Variants in UBE2D3 observed in about 807,000 individuals in gnomAD.
UBE2D3 encodes the protein ubiquitin conjugating enzyme E2 D3.
In UBE2D3, 2 loss-of-function variants were observed where a neutral mutation model predicts 22.8. That is an observed-to-expected ratio of 0.09 (90% confidence interval 0.04 to 0.28). UBE2D3 has a LOEUF of 0.28. Among genes scored for constraint, UBE2D3 ranks in the 10% least tolerant of loss-of-function variants. The pLI, the probability that UBE2D3 is intolerant of heterozygous loss-of-function variation, is 1.00. For synonymous variants in UBE2D3, 56 were observed against 60.4 expected (o/e 0.93, Z 0.34); for missense variants, 27 against 182.5 (o/e 0.15, Z 4.91).
Position 102,801,563 on chromosome 4 carries a change from A to G in UBE2D3, c.199-4T>C. The G allele has an allele frequency of 6.3e-7, 1 of 1,588,464 alleles. No individual in the cohort carries two copies. The highest frequency in any genetic ancestry group is 8.6e-7 in the Non-Finnish European group (1 of 1,166,934). ...AAATTCTTGTTGTAAATGCAACCTA[A>G]AACAAAAACTTTTAAGTATTTTATT... On this transcript the variant is annotated splice_polypyrimidine_tract_variant and splice_region_variant and intron_variant, in intron 5 of 7. Coordinates refer to ENST00000453744, the MANE Select transcript of UBE2D3 (RefSeq NM_181891.3).
chr4:102,827,306 A>G, intron 1 of UBE2D3, 121 bp downstream of exon 1: 1 of 951,632 alleles, frequency 1.1e-6, no homozygotes, highest in Non-Finnish European at 1.3e-6. Flanking sequence ...TTCCCACCCT[A>G]ACCCACCGCA....
At chr4:102,827,670 T>G, upstream of UBE2D3, 1 of 986,260 alleles carries the variant, frequency 1.0e-6, no homozygotes, top group Middle Eastern at 5.2e-4. Context: ...CCAGACGGCT[T>G]GCTTCCCACG....
At chr4:102,828,118 G>A (rs1288074917), upstream of UBE2D3, 8 of 985,320 alleles carry the variant, frequency 8.1e-6, no homozygotes, top group South Asian at 4.7e-5. Flanking sequence ...GCGGGCCACT[G>A]CCAGGAAAGC....
rs1000800206 is a variant in UBE2D3 at position 102,826,341 on chromosome 4, A to G, written c.24+144T>C. On this transcript the variant is annotated intron_variant, in intron 2 of 7. Transcript: ENST00000453744. ...TTTAAACTTCATTTCTTCAAGAAGTATATCTGCGTTCTCCATCCCCCCATG... is the reference window on the plus strand; with the variant it reads ...TTTAAACTTCATTTCTTCAAGAAGTGTATCTGCGTTCTCCATCCCCCCATG... 3.4e-5 allele frequency: 36 copies of G among 1,051,014 alleles called. No individual in the cohort carries two copies. The African/African-American group carries it at 4.1e-4, about 12-fold the overall frequency. 65.1% of individuals were successfully genotyped at this position (1,051,014 alleles called of 1,614,324 possible).
intron 2 of UBE2D3, among the ~76,000 whole-genome samples, chr4:102,821,964 T>A (rs1447561311): frequency 6.6e-6 from 1 of 152,196 alleles, no homozygotes; most frequent in African/African-American, 2.4e-5. Flanking sequence ...TCTGAAACAT[T>A]TTTTTATCTC....
chr4:102,836,189 C>A (rs931510761), intron 1 of UBE2D3, among the ~76,000 whole-genome samples: 10 of 148,164 alleles, frequency 6.7e-5, no homozygotes, highest in African/African-American at 2.5e-4. Context: ...CTCTGTCACC[C>A]AGGCTGGAGT....
At chr4:102,808,704 C>T (rs187906496) in intron 4 of UBE2D3, among the ~76,000 whole-genome samples, 2 of 152,236 alleles carry the variant, frequency 1.3e-5, no homozygotes, top group Non-Finnish European at 2.9e-5. Context: ...TGTAAGTTCC[C>T]TATAAGATCG....
In UBE2D3 at chr4:102,796,972, G is replaced by A. The variant is rs542710410; in HGVS notation, c.*443C>T. On this transcript the variant is annotated 3_prime_UTR_variant, in exon 8 of 8. Transcript: ENST00000453744. ...ATGTAACCTCAAATCTCTAACAGTG[G>A]AAGGCTTAAACAAGAATGGATGCTG... The A allele has an allele frequency of 5.1e-5, 8 of 155,364 alleles. No homozygotes were observed. The South Asian group carries it at 1.6e-3, about 31-fold the overall frequency. 9.6% of individuals were successfully genotyped at this position (155,364 alleles called of 1,614,324 possible).
intron 2 of UBE2D3, chr4:102,825,548 A>G: frequency 1.7e-6 from 2 of 1,185,738 alleles, no homozygotes; most frequent in Non-Finnish European, 2.1e-6. Flanking sequence ...AATGCGGGAT[A>G]GAAGTTAGAG....
At chr4:102,868,855 C>G in exon 1 of UBE2D3, 3 of 1,530,422 alleles carry the variant, frequency 2.0e-6, no homozygotes, top group Non-Finnish European at 2.7e-6. Flanking sequence ...CCGAGGAGGG[C>G]CTCGCTACCC....
upstream of UBE2D3, chr4:102,827,791 A>C (rs1730825891): frequency 1.0e-6 from 1 of 985,880 alleles, no homozygotes; most frequent in East Asian, 1.1e-4. Context: ...GAGGAGGATC[A>C]TGAGCTGGGG....
upstream of UBE2D3, among the ~76,000 whole-genome samples, chr4:102,829,034 C>T (rs1370386754): frequency 6.6e-6 from 1 of 152,210 alleles, no homozygotes; most frequent in Non-Finnish European, 1.5e-5. Flanking sequence ...AAAAACTTAA[C>T]ACGTCAACAA....
rs1726495832 is a variant in UBE2D3 at position 102,803,290 on chromosome 4, C to T, written c.121-652G>A. On this transcript the variant is annotated intron_variant, in intron 4 of 7. Coordinates refer to ENST00000453744, the MANE Select transcript of UBE2D3 (RefSeq NM_181891.3). ...CTTAATGATCAAAGATACTGACCTA[C>T]TCAGGAATTTAAAGTTAAAATGTGG... 3.3e-5 allele frequency among the ~76,000 whole-genome samples: 5 copies of T among 152,334 alleles called. No homozygotes were observed. In the South Asian group the frequency reaches 1.0e-3, roughly 32 times the overall value.
At chr4:102,800,195 A>C (rs149956038) in intron 6 of UBE2D3, among the ~76,000 whole-genome samples, 67 of 152,162 alleles carry the variant, frequency 4.4e-4, no homozygotes, top group African/African-American at 1.6e-3. Flanking sequence ...TAAAATGTTA[A>C]GATATAAATG....
At chr4:102,800,139 T>C (rs552568005) in intron 6 of UBE2D3, among the ~76,000 whole-genome samples, 1 of 152,062 alleles carries the variant, frequency 6.6e-6, no homozygotes, top group African/African-American at 2.4e-5. Flanking sequence ...CGCATTCACT[T>C]TGAGTGCCTG....
intron 1 of UBE2D3, among the ~76,000 whole-genome samples, chr4:102,860,681 T>A (rs2110379337): frequency 6.6e-6 from 1 of 152,090 alleles, no homozygotes; most frequent in South Asian, 2.1e-4. Flanking sequence ...GCTGAGAACC[T>A]CCTTTTATTT....
intron 1 of UBE2D3, among the ~76,000 whole-genome samples, chr4:102,851,850 G>A (rs1469663505): frequency 2.6e-5 from 4 of 151,872 alleles, no homozygotes; most frequent in African/African-American, 9.7e-5. Flanking sequence ...TGTATTTTTA[G>A]TAGAGACGGG....
At chr4:102,800,225 A>AT (rs549832149) in intron 6 of UBE2D3, among the ~76,000 whole-genome samples, 41 of 151,486 alleles carry the variant, frequency 2.7e-4, no homozygotes, top group Admixed American at 5.9e-4. Flanking sequence ...GTTCTGACCG[A>AT]TTTTTTTTTA....
intron 4 of UBE2D3, among the ~76,000 whole-genome samples, chr4:102,806,263 T>C (rs1488466404): frequency 6.6e-6 from 1 of 152,208 alleles, no homozygotes; most frequent in East Asian, 1.9e-4. Flanking sequence ...AACATATCTT[T>C]TTCTCTTCCC....
Sources: gnomAD v4.1 joint callset for allele counts (sites outside exome capture counted in the v4.1 genomes callset) on GRCh38, gnomAD v4.1.1 for gene constraint, MANE v1.5 for transcripts, NCBI Gene and HGNC (gene_info 2026-07-23, HGNC 2026-07-21) for gene names.